The following C3orf49 variants were observed in gnomAD, a reference collection of about 807,000 sequenced individuals.
The protein encoded by C3orf49 is chromosome 3 open reading frame 49.
A neutral mutation model predicts 13.3 loss-of-function variants in C3orf49; 27 were observed. The ratio of observed to expected loss-of-function variants is 2.02; its 90% CI spans 1.49 to 2.79. C3orf49 has a LOEUF of 2.79. Among genes scored for constraint, C3orf49 ranks in the 30% most tolerant of loss-of-function variants. The probability of loss-of-function intolerance (pLI) is 0.00; values close to 1 mark genes in which losing one functional copy is unlikely to be tolerated. For synonymous variants in C3orf49, 87 were observed against 47.6 expected (o/e 1.83, Z -3.40); for missense variants, 242 against 134.2 (o/e 1.80, Z -3.97).
At chr3:63,798,960 T>C in the C3orf49 span, among the ~76,000 whole-genome samples, 2 of 152,206 alleles carry the variant, frequency 1.3e-5, no homozygotes, top group Admixed American at 6.5e-5. Flanking sequence ...TAGTAAGTCA[T>C]TTTGATTGTA....
chr3:63,785,967 T>C, the C3orf49 span: 1 of 152,204 alleles, frequency 6.6e-6, no homozygotes, highest in Non-Finnish European at 1.5e-5. Flanking sequence ...AACCCAGTAG[T>C]AGTATTTACC....
chr3:63,814,481 T>C (rs188120912), upstream of C3orf49, among the ~76,000 whole-genome samples: 1 of 152,218 alleles, frequency 6.6e-6, no homozygotes, highest in East Asian at 1.9e-4. Flanking sequence ...AGGAGTCAAC[T>C]GTTGTCATGG....
chr3:63,780,355 T>C, the C3orf49 span, among the ~76,000 whole-genome samples: 2 of 152,232 alleles, frequency 1.3e-5, no homozygotes, highest in Admixed American at 6.5e-5. Flanking sequence ...TTCCATGGTA[T>C]ATGTGCCACA....
intron 6 of C3orf49, among the ~76,000 whole-genome samples, chr3:63,847,747 C>A (rs1293219412): frequency 7.9e-5 from 12 of 151,622 alleles, no homozygotes; most frequent in Admixed American, 5.3e-4. Flanking sequence ...AAAAAACAAA[C>A]AAAAAAAACA....
intron 5 of C3orf49, chr3:63,838,155 A>T: frequency 8.4e-7 from 1 of 1,191,266 alleles, no homozygotes; most frequent in Non-Finnish European, 1.2e-6. Context: ...CTCTATTGGT[A>T]ACAAAATAGA....
At chr3:63,809,892 A>G in the C3orf49 span, among the ~76,000 whole-genome samples, 1 of 152,204 alleles carries the variant, frequency 6.6e-6, no homozygotes, top group Non-Finnish European at 1.5e-5. Context: ...TCATGCCTGT[A>G]ATACCAGCAC....
the C3orf49 span, among the ~76,000 whole-genome samples, chr3:63,801,792 T>C: frequency 9.9e-5 from 15 of 152,190 alleles, no homozygotes; most frequent in Non-Finnish European, 1.9e-4. Flanking sequence ...ACATATCCAC[T>C]TCAAGGAGCT....
rs1379702425 is a variant in C3orf49 at position 63,823,362 on chromosome 3, A to C, written c.238A>C (p.Ser80Arg). Reference protein sequence around the residue: ...GFHESQQNQKSNLKTKVKTAF... With the variant: ...GFHESQQNQKRNLKTKVKTAF... The stretch of plus-strand genomic sequence containing the variant: ...TCATGAAAGCCAGCAAAATCAGAAA[A>C]GTAATTTGAAGACGAAAGTGAAGAC... The change falls in exon 2 of 7, where the codon AGT (serine) becomes CGT (arginine). Residue 80 changes from serine (S) to arginine (R), a missense_variant. Transcript: ENST00000295896. 1.4e-6 allele frequency: 1 copy of C among 703,298 alleles called. No individual in the cohort carries two copies. Among genetic ancestry groups the C allele is most frequent in the Admixed American group, 2.0e-5 (1 of 50,014 alleles). The allele number at this position is 703,298 out of a possible 1,614,324, so 43.6% of individuals were successfully genotyped here. A position where few individuals can be genotyped will look rare whatever the true frequency, so the allele number is the denominator to read the frequency against.
the C3orf49 span, among the ~76,000 whole-genome samples, chr3:63,798,359 A>G: frequency 6.6e-6 from 1 of 152,108 alleles, no homozygotes; most frequent in Non-Finnish European, 1.5e-5. Context: ...TAACTCCACT[A>G]CTTACTGTTG....
At chr3:63,812,995 T>C in the C3orf49 span, among the ~76,000 whole-genome samples, 1 of 152,196 alleles carries the variant, frequency 6.6e-6, no homozygotes, top group South Asian at 2.1e-4. Context: ...TAGATAGGTG[T>C]TTTTAAAAAG....
chr3:63,821,312 A>C (rs1559598055), intron 1 of C3orf49, among the ~76,000 whole-genome samples: 2 of 152,192 alleles, frequency 1.3e-5, no homozygotes, highest in Non-Finnish European at 2.9e-5. Context: ...AGAGTAGTAC[A>C]TATGCTACTG....
chr3:63,842,930 G>A (rs1244302851), intron 5 of C3orf49, among the ~76,000 whole-genome samples: 1 of 151,630 alleles, frequency 6.6e-6, no homozygotes, highest in East Asian at 1.9e-4. Context: ...TACACATGCA[G>A]GCCATCATGC....
chr3:63,811,895 A>C, the C3orf49 span, among the ~76,000 whole-genome samples: 1 of 151,576 alleles, frequency 6.6e-6, no homozygotes, highest in Non-Finnish European at 1.5e-5. Context: ...AGACAGAACC[A>C]ATAGAAAAAA....
the C3orf49 span, among the ~76,000 whole-genome samples, chr3:63,811,830 T>C: frequency 6.6e-6 from 1 of 151,658 alleles, no homozygotes; most frequent in African/African-American, 2.4e-5. Context: ...ACTGAGATGC[T>C]GCCTCTTCAT....
At chr3:63,798,516 G>A in the C3orf49 span, among the ~76,000 whole-genome samples, 2 of 152,056 alleles carry the variant, frequency 1.3e-5, no homozygotes, top group African/African-American at 2.4e-5. Context: ...TATAAAGTAT[G>A]TGCCTATCAC....
the C3orf49 span, among the ~76,000 whole-genome samples, chr3:63,788,741 C>A: frequency 3.0e-4 from 44 of 146,092 alleles, 1 homozygote; most frequent in Admixed American, 1.0e-3. Flanking sequence ...AAAAAAAAAA[C>A]AAAAAAAACT....
At chr3:63,824,734 A>T (rs1701443672) in intron 2 of C3orf49, among the ~76,000 whole-genome samples, 1 of 151,244 alleles carries the variant, frequency 6.6e-6, no homozygotes, top group Admixed American at 6.6e-5. Flanking sequence ...CTACTAGGGA[A>T]GCTGAAGTGG....
upstream of C3orf49, among the ~76,000 whole-genome samples, chr3:63,818,124 C>T (rs896879237): frequency 9.2e-5 from 14 of 152,126 alleles, no homozygotes; most frequent in Non-Finnish European, 1.5e-4. Context: ...AACATCTGCA[C>T]CCACTCTCCT....
chr3:63,831,296 C>A, intron 4 of C3orf49, 73 bp downstream of exon 4: 1 of 663,934 alleles, frequency 1.5e-6, no homozygotes, highest in Admixed American at 2.5e-5. Flanking sequence ...ACGCACAGCC[C>A]TGCTAGACAG....
Sources: gnomAD v4.1 joint callset for allele counts (sites outside exome capture counted in the v4.1 genomes callset) on GRCh38, gnomAD v4.1.1 for gene constraint, MANE v1.5 for transcripts, NCBI Gene and HGNC (gene_info 2026-07-23, HGNC 2026-07-21) for gene names.